MYO1D: variants seen among roughly 807,000 people sequenced by gnomAD.
MYO1D encodes the protein unconventional myosin-Id.
A neutral mutation model predicts 122.0 loss-of-function variants in MYO1D; 83 were observed. That is an observed-to-expected ratio of 0.68 (90% CI 0.57 to 0.82). The LOEUF (loss-of-function observed/expected upper bound fraction) is 0.82. Among genes scored for constraint, MYO1D ranks in the 40% least tolerant of loss-of-function variants. The probability of loss-of-function intolerance (pLI) is 0.00; values close to 1 mark genes in which losing one functional copy is unlikely to be tolerated. For synonymous variants in MYO1D, 464 were observed against 446.9 expected (o/e 1.04, Z -0.48); for missense variants, 1,157 against 1,269.5 (o/e 0.91, Z 1.35).
chr17:32,636,474 TAAAAAC>T (rs2088101005), intron 20 of MYO1D, among the ~76,000 whole-genome samples: 1 of 152,224 alleles, frequency 6.6e-6, no homozygotes, highest in Admixed American at 6.5e-5. Context: ...GCTTCAGACT[TAAAAAC>T]AATGACAGGT....
At chr17:32,527,932 G>A (rs192381389) in intron 21 of MYO1D, among the ~76,000 whole-genome samples, 3 of 150,600 alleles carry the variant, frequency 2.0e-5, no homozygotes, top group East Asian at 3.9e-4. Context: ...TCTGCCTCTC[G>A]GGTTCAAGCA....
Position 32,799,400 on chromosome 17 carries a change from T to C in MYO1D, c.96-18616A>G, listed in dbSNP as rs34176861. ...CTGCATTCTGAGCTTCATAAGCCAT[T>C]AAGAAAATCTTTAATTGTTCTAAAA... is the stretch of plus-strand genomic sequence containing the variant. On this transcript the variant is annotated intron_variant, in intron 1 of 21. Transcript: ENST00000318217. 4.7e-3 allele frequency among the ~76,000 whole-genome samples: 710 copies of C among 152,290 alleles called. 4 individuals are homozygous for C. Among genetic ancestry groups the C allele is most frequent in the African/African-American group, 0.016 (672 of 41,568 alleles).
chr17:32,582,356 G>A (rs1308479945), intron 21 of MYO1D, among the ~76,000 whole-genome samples: 1 of 152,196 alleles, frequency 6.6e-6, no homozygotes, highest in Non-Finnish European at 1.5e-5. Context: ...ATTTTGAAAT[G>A]TTATTGTTTT....
chr17:32,714,301 A>G (rs1440404235), intron 15 of MYO1D, among the ~76,000 whole-genome samples: 1 of 148,676 alleles, frequency 6.7e-6, no homozygotes, highest in African/African-American at 2.5e-5. Context: ...GCTCCCACTT[A>G]TAAGTGAGAA....
chr17:32,840,146 T>C (rs1055078692), intron 1 of MYO1D, among the ~76,000 whole-genome samples: 2 of 152,200 alleles, frequency 1.3e-5, no homozygotes, highest in Non-Finnish European at 2.9e-5. Context: ...CTGGGGTTCA[T>C]ATACAACAGA....
At chr17:32,771,350 G>C (rs2090111061) in intron 5 of MYO1D, 130 bp from the exon 6 acceptor site, 2 of 593,118 alleles carry the variant, frequency 3.4e-6, no homozygotes, top group Non-Finnish European at 5.6e-6. Context: ...TAGCTTTGAA[G>C]TTTTGCTTGT....
At chr17:32,815,048 C>T (rs971290886) in intron 1 of MYO1D, among the ~76,000 whole-genome samples, 5 of 152,176 alleles carry the variant, frequency 3.3e-5, no homozygotes, top group Non-Finnish European at 5.9e-5. Flanking sequence ...TCACATGACA[C>T]GTAACTGCAA....
chr17:32,527,354 G>C (rs1910375519), intron 21 of MYO1D, among the ~76,000 whole-genome samples: 1 of 152,234 alleles, frequency 6.6e-6, no homozygotes, highest in Admixed American at 6.5e-5. Flanking sequence ...CCATGTGGCT[G>C]TCCAAGGAGT....
chr17:32,780,687 G>A lies in MYO1D; in HGVS notation c.193C>T (p.Gln65Ter), dbSNP rs760278084. ...TCATACAGCTCACGGCCTTTATACT[G>A]CTCAATTGTGTCTCTTCCATAGATG... ...LNIYGRDTIE[Q>*]YKGRELYERP... The change falls in exon 2 of 22, where the codon CAG (glutamine) becomes TAG (stop). Residue 65 changes from glutamine to a stop codon, truncating the protein, a stop_gained. Transcript: ENST00000318217. LOFTEE classifies it high-confidence loss of function. 2 of 1,614,082 alleles carry A rather than the reference G, an allele frequency of 1.2e-6. No individual in the cohort carries two copies. The highest frequency in any genetic ancestry group is 1.7e-6 in the Non-Finnish European group (2 of 1,180,010).
intron 1 of MYO1D, among the ~76,000 whole-genome samples, chr17:32,843,813 C>T (rs765381182): frequency 2.0e-4 from 30 of 152,052 alleles, no homozygotes; most frequent in Non-Finnish European, 4.3e-4. Flanking sequence ...TTTTCCTCTC[C>T]AAATGAATAT....
chr17:32,620,020 G>C (rs2087833866), intron 20 of MYO1D, among the ~76,000 whole-genome samples: 1 of 152,198 alleles, frequency 6.6e-6, no homozygotes, highest in African/African-American at 2.4e-5. Flanking sequence ...AGTGGGCCAG[G>C]AGCAGAAGGT....
At chr17:32,778,420 C>T (rs1406834093) in intron 3 of MYO1D, 60 bp downstream of exon 3, 31 of 1,529,240 alleles carry the variant, frequency 2.0e-5, no homozygotes, top group Non-Finnish European at 2.4e-5. Context: ...TTAGGTCTAG[C>T]CAAGTCCATA....
chr17:32,852,346 C>T (rs1407631397), intron 1 of MYO1D, among the ~76,000 whole-genome samples: 2 of 152,018 alleles, frequency 1.3e-5, no homozygotes, highest in Admixed American at 6.5e-5. Context: ...AGGCTGGTCT[C>T]GAACTCCTGA....
chr17:32,657,405 C>A (rs79272639), intron 17 of MYO1D, among the ~76,000 whole-genome samples: 2,256 of 152,314 alleles, frequency 0.015, 45 homozygotes, highest in African/African-American at 0.049. Flanking sequence ...ATAGTTTTTA[C>A]ATTTTTACAT....
chr17:32,689,822 A>T (rs1475298845), intron 16 of MYO1D, among the ~76,000 whole-genome samples: 1 of 151,726 alleles, frequency 6.6e-6, no homozygotes, highest in East Asian at 1.9e-4. Flanking sequence ...GGGTTCAAGC[A>T]ATTCTCCTGC....
intron 13 of MYO1D, among the ~76,000 whole-genome samples, chr17:32,739,097 G>A (rs986973301): frequency 2.0e-5 from 3 of 152,082 alleles, no homozygotes; most frequent in Non-Finnish European, 2.9e-5. Flanking sequence ...TTTTAAAAAC[G>A]TGTAGTGATC....
chr17:32,524,755 G>T (rs985135106), intron 21 of MYO1D, among the ~76,000 whole-genome samples: 1 of 152,040 alleles, frequency 6.6e-6, no homozygotes, highest in African/African-American at 2.4e-5. Context: ...TAGAGATGGG[G>T]TTTCACCATG....
chr17:32,730,575 GA>G (rs1336705400), intron 14 of MYO1D, among the ~76,000 whole-genome samples: 1 of 151,994 alleles, frequency 6.6e-6, no homozygotes, highest in African/African-American at 2.4e-5. Context: ...CTTTGTTCTG[GA>G]AAAAATGTAT....
intron 14 of MYO1D, among the ~76,000 whole-genome samples, chr17:32,724,604 T>C (rs1160441858): frequency 6.6e-6 from 1 of 152,098 alleles, no homozygotes; most frequent in African/African-American, 2.4e-5. Flanking sequence ...GTAGATGGGA[T>C]CTGAGTAGTG....
Sources: allele counts gnomAD v4.1 joint callset (sites outside exome capture counted in the v4.1 genomes callset), GRCh38; gene constraint gnomAD v4.1.1; transcripts MANE v1.5; gene names NCBI Gene and HGNC (gene_info 2026-07-23, HGNC 2026-07-21).